Variants in RGPD3 observed in about 807,000 individuals in gnomAD.
The protein encoded by RGPD3 is ranBP2-like and GRIP domain-containing protein 3.
Under a neutral mutation model 154.5 loss-of-function variants are expected in RGPD3, and 62 were observed. The observed-to-expected ratio is 0.40, with a 90% CI of 0.33 to 0.50. The LOEUF (loss-of-function observed/expected upper bound fraction) is 0.50, where lower values mean the gene tolerates loss of function less well. Ranked by LOEUF, RGPD3 falls within the 20% of genes least tolerant of loss-of-function variation. The pLI, the probability that RGPD3 is intolerant of heterozygous loss-of-function variation, is 0.59. For missense variants in RGPD3, 919 were observed against 1,716.8 expected (o/e 0.54, Z 8.21); for synonymous variants, 308 against 607.0 (o/e 0.51, Z 7.24).
At chr2:106,412,057 G>A (rs1676687324) in intron 22 of RGPD3, among the ~76,000 whole-genome samples, 1 of 146,676 alleles carries the variant, frequency 6.8e-6, no homozygotes, top group Non-Finnish European at 1.5e-5. Context: ...TTGTCCATGA[G>A]TTGAAAACTG....
At chr2:106,413,361 T>A (rs986085211) in intron 21 of RGPD3, 76 bp from the exon 22 acceptor site, 2 of 1,570,654 alleles carry the variant, frequency 1.3e-6, no homozygotes, top group African/African-American at 2.7e-5. Context: ...CTCATGTATT[T>A]TTCTTCTCTT....
At chr2:106,437,758 A>G (rs1677609495) in intron 9 of RGPD3, among the ~76,000 whole-genome samples, 2 of 151,992 alleles carry the variant, frequency 1.3e-5, no homozygotes, top group African/African-American at 4.8e-5. Context: ...AATAACAGAA[A>G]GTAGCAAGCA....
At chr2:106,455,082 C>A (rs1259697043) in intron 4 of RGPD3, among the ~76,000 whole-genome samples, 38 of 152,220 alleles carry the variant, frequency 2.5e-4, no homozygotes, top group African/African-American at 8.9e-4. Context: ...GGGTGGATCA[C>A]CTGAGAACCC....
At chr2:106,458,241 A>G (rs1304123705) in intron 2 of RGPD3, among the ~76,000 whole-genome samples, 5 of 148,734 alleles carry the variant, frequency 3.4e-5, no homozygotes, top group Non-Finnish European at 7.4e-5. Flanking sequence ...TAAAATAAGT[A>G]AATATCCTCT....
At chr2:106,412,355 C>T (rs1335406565) in intron 22 of RGPD3, among the ~76,000 whole-genome samples, 3 of 115,824 alleles carry the variant, frequency 2.6e-5, no homozygotes, top group African/African-American at 3.4e-5. Context: ...GCTCTGCCGT[C>T]AGGCTGGAGT....
rs1396232521 is a variant in RGPD3 at position 106,436,145 on chromosome 2, C to G, written c.1736G>C (p.Trp579Ser). The G allele has an allele frequency of 6.2e-7, 1 of 1,606,198 alleles. No individual in the cohort carries two copies. The highest frequency in any genetic ancestry group is 8.5e-7 in the Non-Finnish European group (1 of 1,178,670). ...CACCATTTTCTGAAGGCATTTTGCC[C>G]AATGTACAAGCAGAGCAGGTTGAAG... ...HGLQPALLVH[W>S]AKCLQKMGSG... Residue 579 changes from tryptophan to serine, a missense_variant, in exon 12 of 23, where the codon TGG becomes TCG. Physicochemically the swap from Trp to Ser is radical, Grantham distance 177 (BLOSUM62 -3). Coordinates refer to ENST00000409886, the MANE Select transcript of RGPD3 (RefSeq NM_001144013.2).
In RGPD3 at chr2:106,424,787, C is replaced by G. The variant is rs780630974; in HGVS notation, c.3180G>C (p.Leu1060=). The G allele has an allele frequency of 1.6e-5, 26 of 1,611,836 alleles. 2 individuals carry two copies. Among genetic ancestry groups the G allele is most frequent in the Non-Finnish European group, 1.9e-5 (22 of 1,179,830 alleles). Residue 1060 remains leucine, a synonymous_variant, in exon 20 of 23, where the codon CTG becomes CTC. Transcript: ENST00000409886. ...TAAATAGTTTTACCCCCTGTGAATA[C>G]AGAACTTTTTCACCTTCTTCTCCTG... is the stretch of plus-strand genomic sequence containing the variant. ...LVTGEEGEKV[L]YSQGVKLFRF...
intron 1 of RGPD3, among the ~76,000 whole-genome samples, chr2:106,460,408 GT>G (rs1678373718): frequency 6.6e-6 from 1 of 150,798 alleles, no homozygotes; most frequent in Non-Finnish European, 1.5e-5. Context: ...TGCCTCAATA[GT>G]ACATGTACTG....
intron 1 of RGPD3, among the ~76,000 whole-genome samples, chr2:106,466,110 C>T (rs1336931097): frequency 6.6e-6 from 1 of 151,736 alleles, no homozygotes; most frequent in African/African-American, 2.4e-5. Context: ...GCGGGTACTA[C>T]GGGGCCAGAA....
intron 4 of RGPD3, among the ~76,000 whole-genome samples, chr2:106,454,652 C>A (rs1232581197): frequency 4.0e-5 from 6 of 151,730 alleles, no homozygotes; most frequent in African/African-American, 1.5e-4. Flanking sequence ...TAAAGAAAAT[C>A]TTTAAAGAAT....
chr2:106,405,417 C>G (rs556597090), intron 22 of RGPD3, among the ~76,000 whole-genome samples, 188 bp from the exon 23 acceptor site: 9 of 145,498 alleles, frequency 6.2e-5, no homozygotes, highest in Non-Finnish European at 1.2e-4. Context: ...GCTCTGTCAC[C>G]CAGGCTGGAG....
intron 20 of RGPD3, 91 bp from the exon 21 acceptor site, chr2:106,416,080 C>A (rs1676820099): frequency 1.3e-6 from 2 of 1,542,008 alleles, no homozygotes; most frequent in Non-Finnish European, 1.7e-6. Flanking sequence ...AAATATCTTA[C>A]TATGTGATAT....
In RGPD3 at chr2:106,424,739, C is replaced by A. The variant is rs749578846; in HGVS notation, c.3228G>T (p.Gln1076His). The change falls in exon 20 of 23, where the codon CAG becomes CAT. Residue 1076 changes from glutamine to histidine, a missense_variant. Gln to His is a conservative substitution (Grantham distance 24). Coordinates refer to ENST00000409886, the MANE Select transcript of RGPD3 (RefSeq NM_001144013.2). The part of the protein sequence containing the change: ...KLFRFDAEVS[Q>H]WKERGLGNLK... Reference sequence around the variant, plus strand: ...AGTTCCCCAAGCCCCTTTCTTTCCACTGACTTACCTCAGCATCAAATCTAA... The same window carrying A: ...AGTTCCCCAAGCCCCTTTCTTTCCAATGACTTACCTCAGCATCAAATCTAA... 5.6e-6 allele frequency: 9 copies of A among 1,611,888 alleles called. No individual in the cohort carries two copies. The Admixed American group carries it at 8.3e-5, about 15-fold the overall frequency.
At chr2:106,411,733 G>A (rs920259593) in intron 22 of RGPD3, among the ~76,000 whole-genome samples, 14 of 152,184 alleles carry the variant, frequency 9.2e-5, no homozygotes, top group African/African-American at 2.9e-4. Flanking sequence ...CAGGAGAATC[G>A]CTTGAATCTG....
intron 20 of RGPD3, among the ~76,000 whole-genome samples, chr2:106,420,386 A>G (rs1676943251): frequency 6.6e-6 from 1 of 152,020 alleles, no homozygotes; most frequent in Non-Finnish European, 1.5e-5. Context: ...GTTCTGATCT[A>G]CTAATGTAAA....
At chr2:106,449,676 G>A (rs1678050453) in intron 6 of RGPD3, among the ~76,000 whole-genome samples, 1 of 151,942 alleles carries the variant, frequency 6.6e-6, no homozygotes, top group African/African-American at 2.4e-5. Flanking sequence ...AAGAGATTGA[G>A]ACCTTCCAGT....
chr2:106,430,021 T>C (rs1168839206), intron 17 of RGPD3, among the ~76,000 whole-genome samples: 3 of 152,080 alleles, frequency 2.0e-5, no homozygotes, highest in Non-Finnish European at 4.4e-5. Context: ...CTAGCTGGGA[T>C]TACAGGTGTC....
intron 1 of RGPD3, among the ~76,000 whole-genome samples, chr2:106,462,177 G>A (rs1008253190): frequency 3.1e-4 from 47 of 152,012 alleles, no homozygotes; most frequent in African/African-American, 9.4e-4. Context: ...CACGGAGCCC[G>A]GCCAGTTCCC....
chr2:106,455,136 C>G (rs1678208558), intron 4 of RGPD3, among the ~76,000 whole-genome samples: 1 of 152,160 alleles, frequency 6.6e-6, no homozygotes, highest in Non-Finnish European at 1.5e-5. Flanking sequence ...CCACTGCACT[C>G]CAGCATGGGC....
Sources: gnomAD v4.1 joint callset for allele counts (sites outside exome capture counted in the v4.1 genomes callset) on GRCh38, gnomAD v4.1.1 for gene constraint, MANE v1.5 for transcripts, NCBI Gene and HGNC (gene_info 2026-07-23, HGNC 2026-07-21) for gene names.